HSH2D: variants seen among roughly 807,000 people sequenced by gnomAD.
HSH2D encodes the protein hematopoietic SH2 domain-containing protein.
In HSH2D, 16 loss-of-function variants were observed where a neutral mutation model predicts 21.5. That is an observed-to-expected ratio of 0.74 (90% confidence interval 0.50 to 1.13). The LOEUF (loss-of-function observed/expected upper bound fraction) is 1.13, where lower values mean the gene tolerates loss of function less well. Ranked by LOEUF, HSH2D falls within the 50% of genes most tolerant of loss-of-function variation. HSH2D has a pLI of 0.00. For synonymous variants in HSH2D, 172 were observed against 184.7 expected, an observed-to-expected ratio of 0.93 and a Z score of 0.56; for missense variants, 418 against 441.4, an observed-to-expected ratio of 0.95 and a Z score of 0.47.
chr19:16,149,769 C>T (rs1333132704), intron 2 of HSH2D, among the ~76,000 whole-genome samples: 4 of 146,636 alleles, frequency 2.7e-5, no homozygotes, highest in African/African-American at 7.6e-5. Flanking sequence ...TTAGTAGAGA[C>T]GAGGTTTCAC....
chr19:16,150,565 G>A (rs139341071), intron 2 of HSH2D, among the ~76,000 whole-genome samples: 1,891 of 151,774 alleles, frequency 0.012, 44 homozygotes, highest in African/African-American at 0.043. Flanking sequence ...AACTGGGCAC[G>A]GTGGCACGTG....
chr19:16,134,847 G>T (rs1302499661), intron 1 of HSH2D, among the ~76,000 whole-genome samples: 1 of 152,022 alleles, frequency 6.6e-6, no homozygotes, highest in Non-Finnish European at 1.5e-5. Flanking sequence ...AGGGGCTGGG[G>T]TGTGTGGCTT....
intron 3 of HSH2D, 101 bp from the exon 4 acceptor site, chr19:16,152,942 G>A (rs1192858662): frequency 3.6e-6 from 5 of 1,373,930 alleles, no homozygotes; most frequent in Non-Finnish European, 5.1e-6. Flanking sequence ...GGAACCTGGG[G>A]TAGTCTGGCT....
intron 2 of HSH2D, among the ~76,000 whole-genome samples, chr19:16,150,087 T>C (rs757879881): frequency 2.0e-5 from 3 of 152,120 alleles, no homozygotes; most frequent in Non-Finnish European, 1.5e-5. Context: ...GAGTTGCACA[T>C]TGCAATTTAA....
chr19:16,140,566 C>G (rs561116267), upstream of HSH2D, among the ~76,000 whole-genome samples: 1 of 152,152 alleles, frequency 6.6e-6, no homozygotes, highest in African/African-American at 2.4e-5. Context: ...GATCGCACCA[C>G]TGTACTCCAG....
chr19:16,139,058 A>G (rs532339169), upstream of HSH2D, among the ~76,000 whole-genome samples: 1 of 152,256 alleles, frequency 6.6e-6, no homozygotes, highest in South Asian at 2.1e-4. Context: ...GGGTTTCCCC[A>G]TGTTGGCCAG....
chr19:16,149,712 CT>C (rs941787208), intron 2 of HSH2D, among the ~76,000 whole-genome samples: 9 of 151,476 alleles, frequency 5.9e-5, no homozygotes, highest in South Asian at 2.1e-4. Flanking sequence ...TCATGAGTAG[CT>C]GGGACTACAG....
rs1402931512 is a variant in HSH2D, at chr19:16,157,174, C to T, written c.475-36C>T. Reference sequence around the variant, plus strand: ...GGGACAGACATGGTGCTCTGGTGGGCAAGCTGCCCCAGGCCTCCCCTACTC... The same window carrying T: ...GGGACAGACATGGTGCTCTGGTGGGTAAGCTGCCCCAGGCCTCCCCTACTC... On this transcript the variant is annotated intron_variant, in intron 5 of 5. Coordinates refer to ENST00000613986, the MANE Select transcript of HSH2D (RefSeq NM_001382417.1). The surrounding 1 kb of genome is among the most constrained non-coding windows in gnomAD (Gnocchi z 4.4). The T allele has an allele frequency of 2.0e-6, 3 of 1,491,372 alleles. No homozygotes were observed. The highest frequency in any genetic ancestry group is 2.7e-6 in the Non-Finnish European group (3 of 1,112,954). The allele number at this position is 1,491,372 out of a possible 1,614,324, so 92.4% of individuals were successfully genotyped here. A position where few individuals can be genotyped will look rare whatever the true frequency, so the allele number is the denominator to read the frequency against.
At chr19:16,136,568 C>T (rs1049577946) in intron 1 of HSH2D, among the ~76,000 whole-genome samples, 1 of 152,188 alleles carries the variant, frequency 6.6e-6, no homozygotes, top group African/African-American at 2.4e-5. Flanking sequence ...TCTGAGAAAT[C>T]GAGCTGCAGA....
chr19:16,148,867 C>T lies in HSH2D; in HGVS notation c.117C>T (p.Ile39=), dbSNP rs745316209. ...TCCCCGAGTGGTTCCATGGTGCAAT[C>T]TCAAGAGAGTGAGGACACACCCACA... The part of the protein sequence containing the change: ...DGVPEWFHGA[I]SREDAENLLE... Residue 39 remains isoleucine (I), a synonymous_variant, in exon 2 of 6, where the codon ATC becomes ATT. Transcript: ENST00000613986. 3 of 1,612,336 alleles carry T rather than the reference C, an allele frequency of 1.9e-6. No individual in the cohort carries two copies. Among genetic ancestry groups the T allele is most frequent in the Admixed American group, 1.7e-5 (1 of 59,754 alleles).
chr19:16,143,880 T>G, intron 1 of HSH2D, 106 bp downstream of exon 1: 1 of 269,306 alleles, frequency 3.7e-6, no homozygotes, highest in Admixed American at 4.8e-5. Context: ...AGGAGGGATT[T>G]TCTAGGGGCA....
chr19:16,152,410 T>G (rs917772739), intron 2 of HSH2D, 142 bp from the exon 3 acceptor site: 4 of 462,770 alleles, frequency 8.6e-6, no homozygotes, highest in African/African-American at 6.1e-5. Context: ...AGAGCGAGAC[T>G]CTGTCTCAAA....
intron 1 of HSH2D, 71 bp from the exon 2 acceptor site, chr19:16,148,653 G>C: frequency 5.4e-6 from 8 of 1,491,340 alleles, no homozygotes; most frequent in Non-Finnish European, 6.5e-6. Flanking sequence ...GGCACCACAA[G>C]CTTCAAGAAT....
At chr19:16,155,144 T>A (rs1458187491) in intron 5 of HSH2D, among the ~76,000 whole-genome samples, 2 of 152,038 alleles carry the variant, frequency 1.3e-5, no homozygotes, top group Non-Finnish European at 2.9e-5. Context: ...CATCTTGGGG[T>A]TTGGGAGACC....
intron 1 of HSH2D, 50 bp from the exon 2 acceptor site, chr19:16,148,674 T>G (rs530755198): frequency 4.5e-4 from 704 of 1,560,044 alleles, no homozygotes; most frequent in Non-Finnish European, 5.8e-4. Context: ...AGAGCAAAGA[T>G]AAGAGGTGCA....
At chr19:16,153,014 A>G in intron 3 of HSH2D, 29 bp from the exon 4 acceptor site, 1 of 1,599,432 alleles carries the variant, frequency 6.3e-7, no homozygotes, top group Non-Finnish European at 8.5e-7. Flanking sequence ...GGGGAGTAGG[A>G]TGTCCCAGCC....
chr19:16,143,945 G>A (rs758833207), intron 1 of HSH2D, among the ~76,000 whole-genome samples, 171 bp downstream of exon 1: 2 of 152,020 alleles, frequency 1.3e-5, no homozygotes, highest in Non-Finnish European at 2.9e-5. Flanking sequence ...AATGGAAAAT[G>A]GAGCTGGAGT....
At chr19:16,139,019 A>G (rs150404033), upstream of HSH2D, among the ~76,000 whole-genome samples, 257 of 152,052 alleles carry the variant, frequency 1.7e-3, no homozygotes, top group African/African-American at 5.7e-3. Context: ...CACTACGCCC[A>G]ACTAATTTTT....
At chr19:16,152,954 T>C (rs1379473201) in intron 3 of HSH2D, 89 bp from the exon 4 acceptor site, 1 of 1,463,924 alleles carries the variant, frequency 6.8e-7, no homozygotes, top group Non-Finnish European at 9.3e-7. Context: ...AGTCTGGCTG[T>C]AGCAGTGACG....
Sources: allele counts gnomAD v4.1 joint callset (sites outside exome capture counted in the v4.1 genomes callset), GRCh38; gene constraint gnomAD v4.1.1; non-coding constraint Gnocchi (gnomAD v3.1); transcripts MANE v1.5; gene names NCBI Gene and HGNC (gene_info 2026-07-23, HGNC 2026-07-21).